The following ZNF860 variants were observed in gnomAD, a reference collection of about 807,000 sequenced individuals.
ZNF860 encodes the protein zinc finger protein 860.
For missense variants in ZNF860, 641 were observed against 759.2 expected (o/e 0.84, Z 1.83); for synonymous variants, 206 against 248.9 (o/e 0.83, Z 1.62).
rs1284521106 is a variant in ZNF860 at position 31,990,176 on chromosome 3, GAGAGAAA to G, written c.1098_1104del (p.Glu367LeufsTer26). The G allele has an allele frequency of 8.7e-6, 14 of 1,613,920 alleles. No homozygotes were observed. The highest frequency in any genetic ancestry group is 1.2e-5 in the Non-Finnish European group (14 of 1,179,942). On this transcript the variant is annotated frameshift_variant, in exon 2 of 2. Transcript: ENST00000360311. LOFTEE classifies it low-confidence loss of function (END_TRUNC). Reference sequence around the variant, plus strand: ...ACACAACACACTAGAATTCACACTGGAGAGAAACCTTACAAGTGTAATGAGTGTGGCA... The same window carrying G: ...ACACAACACACTAGAATTCACACTGGCCTTACAAGTGTAATGAGTGTGGCA...
downstream of ZNF860, among the ~76,000 whole-genome samples, chr3:31,995,553 T>C (rs1439978626): frequency 6.6e-6 from 1 of 152,200 alleles, no homozygotes; most frequent in East Asian, 1.9e-4. Context: ...GTGCACTGAC[T>C]TCATATTGTT....
chr3:31,990,078 G>A lies in ZNF860; in HGVS notation c.999G>A (p.Arg333=). The A allele has an allele frequency of 2.5e-6, 4 of 1,613,842 alleles. No homozygotes were observed. Among genetic ancestry groups the A allele is most frequent in the Non-Finnish European group, 3.4e-6 (4 of 1,179,880 alleles). The change falls in exon 2 of 2, where the codon AGG becomes AGA. Residue 333 remains arginine, a synonymous_variant. Coordinates refer to ENST00000360311, the MANE Select transcript of ZNF860 (RefSeq NM_001137674.3). ...FSRKSNLERH[R]RIHTGEKPYK... is the part of the protein sequence containing the mutation. ...GCAAATCAAATCTTGAAAGACATAGGAGAATTCATACTGGAGAGAAACCAT... is the reference window on the plus strand; with the variant it reads ...GCAAATCAAATCTTGAAAGACATAGAAGAATTCATACTGGAGAGAAACCAT...
In ZNF860 at chr3:31,989,551, A is replaced by G. The variant is rs1314564560; in HGVS notation, c.472A>G (p.Ser158Gly). The change falls in exon 2 of 2, where the codon AGC (serine) becomes GGC (glycine). Residue 158 changes from serine (S) to glycine (G), a missense_variant. Physicochemically the swap from Ser to Gly is moderately conservative, Grantham distance 56. Transcript: ENST00000360311. ...GCCTATCAAAGATCAGCTTGGATTA[A>G]GCTTTCATTCGCATCTTCCTGAACT... Reference protein sequence around the residue: ...NKPIKDQLGLSFHSHLPELHI... With the variant: ...NKPIKDQLGLGFHSHLPELHI... 6.2e-7 allele frequency: 1 copy of G among 1,614,104 alleles called. No homozygotes were observed. Among genetic ancestry groups the G allele is most frequent in the Non-Finnish European group, 8.5e-7 (1 of 1,180,044 alleles).
At chr3:32,000,002 T>C in the ZNF860 span, among the ~76,000 whole-genome samples, 1 of 152,176 alleles carries the variant, frequency 6.6e-6, no homozygotes, top group Non-Finnish European at 1.5e-5. Flanking sequence ...GCCTCAGCTA[T>C]AACAGGGAGA....
Position 31,989,912 on chromosome 3 carries a change from G to A in ZNF860, c.833G>A (p.Arg278Lys). 2 of 1,614,174 alleles carry A rather than the reference G, an allele frequency of 1.2e-6. No homozygotes were observed. The highest frequency in any genetic ancestry group is 2.2e-5 in the South Asian group (2 of 91,084). Residue 278 changes from arginine (R) to lysine (K), a missense_variant, in exon 2 of 2, where the codon AGA becomes AAA. By Grantham distance (26) the Arg-to-Lys change is conservative. Transcript: ENST00000360311. ...NQKRYLACHH[R>K]CHTGEKPYKC... ...AAGCGATACCTTGCATGCCATCATA[G>A]ATGTCACACTGGTGAGAAACCTTAC...
chr3:32,003,641 T>G, the ZNF860 span, among the ~76,000 whole-genome samples: 1 of 152,190 alleles, frequency 6.6e-6, no homozygotes, highest in African/African-American at 2.4e-5. Flanking sequence ...AACAGGATAA[T>G]CCTCTTTCTC....
chr3:31,990,677 C>T lies in ZNF860; in HGVS notation c.1598C>T (p.Thr533Ile). The T allele has an allele frequency of 6.2e-7, 1 of 1,614,154 alleles. No individual in the cohort carries two copies. Reference protein sequence around the residue: ...ATLARHHRLHTGEKPYKCEEC... With the variant: ...ATLARHHRLHIGEKPYKCEEC... ...CTTGCACGTCATCATAGACTTCATA[C>T]TGGAGAGAAACCTTACAAATGTGAA... Residue 533 changes from threonine to isoleucine, a missense_variant, in exon 2 of 2, where the codon ACT (threonine) becomes ATT (isoleucine). Thr to Ile is a moderately conservative substitution (Grantham distance 89). Transcript: ENST00000360311.
rs1303331733 is a variant in ZNF860, at chr3:31,981,892, G to A, written c.-431G>A. 1 of 152,254 alleles carries A rather than the reference G, an allele frequency of 6.6e-6. No individual in the cohort carries two copies. Among genetic ancestry groups the A allele is most frequent in the African/African-American group, 2.4e-5 (1 of 41,454 alleles). 9.4% of individuals were successfully genotyped at this position (152,254 alleles called of 1,614,324 possible). A position where few individuals can be genotyped will look rare whatever the true frequency, so the allele number is the denominator to read the frequency against. Reference sequence around the variant, plus strand: ...CTGGCGGAGGAGGGGAGTGGCAGGTGATCCTCACAGGTAAGCTCGCCGGGC... The same window carrying A: ...CTGGCGGAGGAGGGGAGTGGCAGGTAATCCTCACAGGTAAGCTCGCCGGGC... On this transcript the variant is annotated 5_prime_UTR_variant, in exon 1 of 2. Coordinates refer to ENST00000360311, the MANE Select transcript of ZNF860 (RefSeq NM_001137674.3). This position sits in a 1 kb window ranked among gnomAD's most constrained non-coding sequence, Gnocchi z 4.5.
At position 31,990,210 on chromosome 3, in the gene ZNF860, A is replaced by T. The variant is rs1474046222; in HGVS notation, c.1131A>T (p.Lys377Asn). Residue 377 changes from lysine to asparagine, a missense_variant, in exon 2 of 2, where the codon AAA becomes AAT. Lys to Asn is a moderately conservative substitution (Grantham distance 94). Coordinates refer to ENST00000360311, the MANE Select transcript of ZNF860 (RefSeq NM_001137674.3). The stretch of plus-strand genomic sequence containing the variant: ...CTTACAAGTGTAATGAGTGTGGCAA[A>T]GCCTTTAGTGGGCAGTCAACACTTA... ...EKPYKCNECG[K>N]AFSGQSTLIH... 6.2e-7 allele frequency: 1 copy of T among 1,611,536 alleles called. No individual in the cohort carries two copies. Among genetic ancestry groups the T allele is most frequent in the East Asian group, 2.2e-5 (1 of 44,710 alleles).
chr3:32,006,184 G>A, the ZNF860 span, among the ~76,000 whole-genome samples: 2 of 151,948 alleles, frequency 1.3e-5, no homozygotes, highest in African/African-American at 4.8e-5. Context: ...GACCTCAGGT[G>A]ATCCCTCTGC....
chr3:32,004,012 G>T, the ZNF860 span, among the ~76,000 whole-genome samples: 1 of 152,148 alleles, frequency 6.6e-6, no homozygotes, highest in Admixed American at 6.5e-5. Context: ...GCACAGCAGG[G>T]AACAGCAGAC....
At position 31,988,962 on chromosome 3, in the gene ZNF860, G is replaced by C. The variant is rs548350509; in HGVS notation, c.-118G>C. On this transcript the variant is annotated 5_prime_UTR_variant, in exon 2 of 2. Coordinates refer to ENST00000360311, the MANE Select transcript of ZNF860 (RefSeq NM_001137674.3). The stretch of plus-strand genomic sequence containing the variant: ...GACTGTGAGATAATCAGTGTTTGTT[G>C]CCTTAAGCCACGAAGTTTGTGATAA... The C allele has an allele frequency of 7.3e-7, 1 of 1,361,264 alleles. No individual in the cohort carries two copies. Among genetic ancestry groups the C allele is most frequent in the East Asian group, 2.4e-5 (1 of 42,102 alleles). The allele number at this position is 1,361,264 out of a possible 1,614,324, so 84.3% of individuals were successfully genotyped here. A position where few individuals can be genotyped will look rare whatever the true frequency, so the allele number is the denominator to read the frequency against.
At chr3:31,997,328 G>A in the ZNF860 span, among the ~76,000 whole-genome samples, 3 of 151,368 alleles carry the variant, frequency 2.0e-5, no homozygotes, top group East Asian at 2.0e-4. Context: ...GCAGTGGTGC[G>A]ATTTCGGCTC....
At position 31,989,916 on chromosome 3, in the gene ZNF860, T is replaced by C; in HGVS notation, c.837T>C (p.Cys279=). 1 of 1,614,192 alleles carries C rather than the reference T, an allele frequency of 6.2e-7. No individual in the cohort carries two copies. The change falls in exon 2 of 2, where the codon TGT becomes TGC. Residue 279 remains cysteine, a synonymous_variant. Coordinates refer to ENST00000360311, the MANE Select transcript of ZNF860 (RefSeq NM_001137674.3). ...GATACCTTGCATGCCATCATAGATGTCACACTGGTGAGAAACCTTACAAGT... is the reference window on the plus strand; with the variant it reads ...GATACCTTGCATGCCATCATAGATGCCACACTGGTGAGAAACCTTACAAGT... ...QKRYLACHHR[C]HTGEKPYKCN... is the part of the protein sequence containing the mutation.
the ZNF860 span, among the ~76,000 whole-genome samples, chr3:32,005,781 G>T: frequency 5.3e-5 from 8 of 151,932 alleles, no homozygotes; most frequent in South Asian, 2.1e-4. Context: ...TAGAGATGGG[G>T]TTTCACCGTG....
chr3:31,993,581 A>C (rs979564951), downstream of ZNF860, among the ~76,000 whole-genome samples: 1 of 152,194 alleles, frequency 6.6e-6, no homozygotes, highest in African/African-American at 2.4e-5. Context: ...TGTCCGAAAA[A>C]GCACATCAAG....
In ZNF860 at chr3:31,990,110, G is replaced by A. The variant is rs1188860291; in HGVS notation, c.1031G>A (p.Cys344Tyr). 13 of 1,611,680 alleles carry A rather than the reference G, an allele frequency of 8.1e-6. No individual in the cohort carries two copies. The highest frequency in any genetic ancestry group is 4.0e-5 in the African/African-American group (3 of 74,812). The change falls in exon 2 of 2, where the codon TGT becomes TAT. Residue 344 changes from cysteine to tyrosine, a missense_variant. Cys to Tyr is a radical substitution (Grantham distance 194). Coordinates refer to ENST00000360311, the MANE Select transcript of ZNF860 (RefSeq NM_001137674.3). ...RIHTGEKPYK[C>Y]KVCEKAFRRD... ...CATACTGGAGAGAAACCATACAAAT[G>A]TAAGGTTTGTGAAAAGGCTTTCAGG...
At chr3:32,001,178 G>A in the ZNF860 span, among the ~76,000 whole-genome samples, 1 of 152,150 alleles carries the variant, frequency 6.6e-6, no homozygotes, top group Non-Finnish European at 1.5e-5. Flanking sequence ...TTTCAGGTGG[G>A]GTTCTGTGCT....
the ZNF860 span, among the ~76,000 whole-genome samples, chr3:32,003,179 T>C: frequency 6.6e-6 from 1 of 152,170 alleles, no homozygotes; most frequent in African/African-American, 2.4e-5. Context: ...CTAGAATGCT[T>C]TGGAGGACTG....
Sources: allele counts gnomAD v4.1 joint callset (sites outside exome capture counted in the v4.1 genomes callset), GRCh38; gene constraint gnomAD v4.1.1; non-coding constraint Gnocchi (gnomAD v3.1); transcripts MANE v1.5; gene names NCBI Gene and HGNC (gene_info 2026-07-23, HGNC 2026-07-21).